Variants in ROBO1 observed in about 807,000 individuals in gnomAD.
The protein encoded by ROBO1 is roundabout homolog 1.
In ROBO1, 149 loss-of-function variants were observed where a neutral mutation model predicts 195.9. The ratio of observed to expected loss-of-function variants is 0.76; its 90% confidence interval spans 0.67 to 0.87. The LOEUF (loss-of-function observed/expected upper bound fraction) is 0.87. Ranked by LOEUF, ROBO1 falls within the 40% of genes least tolerant of loss-of-function variation. ROBO1 has a pLI of 0.00. For missense variants in ROBO1, 1,933 were observed against 2,068.3 expected, an observed-to-expected ratio of 0.93 and a Z score of 1.27; for synonymous variants, 816 against 733.2, an observed-to-expected ratio of 1.11 and a Z score of -1.82.
chr3:79,668,928 A>G (rs923097310), intron 1 of ROBO1, among the ~76,000 whole-genome samples: 3 of 151,940 alleles, frequency 2.0e-5, no homozygotes, highest in African/African-American at 7.2e-5. Flanking sequence ...TACTATAGTC[A>G]TGTGCTATGT....
At position 78,646,202 on chromosome 3, in the gene ROBO1, C is replaced by T. The variant is rs189759569; in HGVS notation, c.2840-12G>A. 4.9e-4 allele frequency: 767 copies of T among 1,560,698 alleles called. 11 individuals carry two copies. In the African/African-American group the frequency reaches 9.0e-3, roughly 18 times the overall value. On this transcript the variant is annotated splice_polypyrimidine_tract_variant and intron_variant, in intron 20 of 30. Transcript: ENST00000464233. ...TCTCTGGTAAGTTACTAGAATGTTA[C>T]GAAAAAAAAAAGGAACAATTAATAG...
At chr3:79,593,557 G>A (rs1432177443) in intron 1 of ROBO1, among the ~76,000 whole-genome samples, 1 of 151,784 alleles carries the variant, frequency 6.6e-6, no homozygotes, top group Non-Finnish European at 1.5e-5. Context: ...ATCATCTTTG[G>A]TGAGGTATTT....
intron 4 of ROBO1, among the ~76,000 whole-genome samples, chr3:78,879,194 A>T (rs1350911764): frequency 6.6e-6 from 1 of 152,210 alleles, no homozygotes; most frequent in Non-Finnish European, 1.5e-5. Flanking sequence ...ATAACTAAAA[A>T]CTGGATGCAG....
intron 3 of ROBO1, among the ~76,000 whole-genome samples, chr3:79,010,862 A>C (rs1303910947): frequency 6.6e-6 from 1 of 152,176 alleles, no homozygotes; most frequent in African/African-American, 2.4e-5. Context: ...TCTGAATGAA[A>C]GCTTTACGTC....
chr3:78,928,609 A>G (rs1007000506), intron 4 of ROBO1, among the ~76,000 whole-genome samples: 4 of 152,150 alleles, frequency 2.6e-5, no homozygotes, highest in Non-Finnish European at 5.9e-5. Context: ...TGGTCATATA[A>G]ATATTGTTCC....
chr3:78,813,793 A>G (rs929017586), intron 4 of ROBO1, among the ~76,000 whole-genome samples: 11 of 152,032 alleles, frequency 7.2e-5, no homozygotes, highest in African/African-American at 1.9e-4. Flanking sequence ...TCATAATAAT[A>G]GTTATCATTT....
intron 2 of ROBO1, among the ~76,000 whole-genome samples, chr3:79,317,298 A>G (rs2033778546): frequency 6.6e-6 from 1 of 151,990 alleles, no homozygotes; most frequent in Non-Finnish European, 1.5e-5. Flanking sequence ...TATCACATCA[A>G]TTCTCTTCCT....
chr3:79,575,419 T>G (rs1403606933), intron 2 of ROBO1, among the ~76,000 whole-genome samples: 5 of 124,300 alleles, frequency 4.0e-5, no homozygotes, highest in Non-Finnish European at 8.0e-5. Context: ...ATAACAAATA[T>G]ATATATAAAT....
intron 2 of ROBO1, among the ~76,000 whole-genome samples, chr3:79,188,075 G>A (rs187445605): frequency 3.4e-4 from 52 of 152,050 alleles, no homozygotes; most frequent in Non-Finnish European, 5.9e-4. Flanking sequence ...CTCACAGATT[G>A]CAGTAGAAAT....
At chr3:79,353,429 ACG>A (rs371959050) in intron 2 of ROBO1, among the ~76,000 whole-genome samples, 7 of 142,892 alleles carry the variant, frequency 4.9e-5, no homozygotes, top group East Asian at 2.1e-4. Flanking sequence ...ACACACACAC[ACG>A]CACAGAAGCA....
At chr3:79,295,807 A>G (rs2109042896) in intron 2 of ROBO1, among the ~76,000 whole-genome samples, 1 of 152,332 alleles carries the variant, frequency 6.6e-6, no homozygotes, top group Non-Finnish European at 1.5e-5. Context: ...AAAGAAAAAC[A>G]GCCAGTTTGA....
At position 78,717,951 on chromosome 3, in the gene ROBO1, T is replaced by A. The variant is rs1266401644; in HGVS notation, c.658-68A>T. ...AGCTATGTTTACATGACAGATGTCT[T>A]CATAAGTGAAGACTGCTTTCTAAGC... is the stretch of plus-strand genomic sequence containing the variant. On this transcript the variant is annotated intron_variant, in intron 5 of 30. Transcript: ENST00000464233. 3.3e-6 allele frequency: 5 copies of A among 1,494,356 alleles called. No homozygotes were observed. In the East Asian group the frequency reaches 1.1e-4, roughly 34 times the overall value. 92.6% of individuals were successfully genotyped at this position (1,494,356 alleles called of 1,614,324 possible).
At chr3:78,955,117 T>C (rs116369670) in intron 3 of ROBO1, among the ~76,000 whole-genome samples, 19 of 112,972 alleles carry the variant, frequency 1.7e-4, no homozygotes, top group African/African-American at 5.8e-4. Context: ...TGGGGTTATA[T>C]AGGTAAACTG....
At chr3:79,074,004 C>A (rs1027344066) in intron 3 of ROBO1, among the ~76,000 whole-genome samples, 1 of 151,596 alleles carries the variant, frequency 6.6e-6, no homozygotes, top group Middle Eastern at 3.4e-3. Flanking sequence ...TGTGAAAATG[C>A]TTCCACAGTA....
intron 2 of ROBO1, among the ~76,000 whole-genome samples, chr3:79,509,149 T>G (rs1006844300): frequency 2.0e-5 from 3 of 152,138 alleles, no homozygotes; most frequent in Admixed American, 2.0e-4. Context: ...CAACATGGAT[T>G]CAGATCTATT....
intron 4 of ROBO1, among the ~76,000 whole-genome samples, chr3:78,758,349 G>C (rs767200111): frequency 4.0e-5 from 6 of 151,812 alleles, no homozygotes; most frequent in Non-Finnish European, 7.4e-5. Flanking sequence ...TGGGACACCT[G>C]TCTCTACAAA....
chr3:79,314,598 T>C (rs2033649015), intron 2 of ROBO1, among the ~76,000 whole-genome samples: 5 of 152,232 alleles, frequency 3.3e-5, no homozygotes, highest in East Asian at 1.9e-4. Context: ...CTTGGGTATG[T>C]CTTTATTAGC....
chr3:78,916,371 G>C (rs1489321664), intron 4 of ROBO1, among the ~76,000 whole-genome samples: 1 of 151,832 alleles, frequency 6.6e-6, no homozygotes, highest in African/African-American at 2.4e-5. Flanking sequence ...GGCCAACGTG[G>C]TGAAACCCCA....
intron 1 of ROBO1, among the ~76,000 whole-genome samples, chr3:79,624,180 A>C (rs1389240964): frequency 6.6e-6 from 1 of 152,176 alleles, no homozygotes; most frequent in Non-Finnish European, 1.5e-5. Flanking sequence ...CCTACCATGC[A>C]AGAGCTCCTA....
Sources: gnomAD v4.1 joint callset for allele counts (sites outside exome capture counted in the v4.1 genomes callset) on GRCh38, gnomAD v4.1.1 for gene constraint, MANE v1.5 for transcripts, NCBI Gene and HGNC (gene_info 2026-07-23, HGNC 2026-07-21) for gene names.